PGLYRP3: variants seen among roughly 807,000 people sequenced by gnomAD.
The protein encoded by PGLYRP3 is peptidoglycan recognition protein 3, also known as peptidoglycan recognition protein I alpha.
A neutral mutation model predicts 36.0 loss-of-function variants in PGLYRP3; 39 were observed. The ratio of observed to expected loss-of-function variants is 1.08; its 90% confidence interval spans 0.84 to 1.41. The LOEUF is 1.41. Among genes scored for constraint, PGLYRP3 ranks in the 40% most tolerant of loss-of-function variants. PGLYRP3 has a pLI of 0.00. For synonymous variants in PGLYRP3, 204 were observed against 172.8 expected (o/e 1.18, Z -1.42); for missense variants, 407 against 427.9 (o/e 0.95, Z 0.43).
Position 153,303,843 on chromosome 1 carries a change from A to G in PGLYRP3, c.529+14T>C, listed in dbSNP as rs1659663682. On this transcript the variant is annotated intron_variant, in intron 5 of 7. Coordinates refer to ENST00000683862, the MANE Select transcript of PGLYRP3 (RefSeq NM_052891.3). Reference sequence around the variant, plus strand: ...GTGACGAGGAGGAGGGTGAGGTGACATGGAGGGTCTTACCCTTCCTGGGCA... The same window carrying G: ...GTGACGAGGAGGAGGGTGAGGTGACGTGGAGGGTCTTACCCTTCCTGGGCA... 3.1e-6 allele frequency: 5 copies of G among 1,601,966 alleles called. No individual in the cohort carries two copies. The East Asian group carries it at 6.7e-5, about 22-fold the overall frequency.
chr1:153,304,793 C>T (rs1392918125), intron 4 of PGLYRP3, among the ~76,000 whole-genome samples, 154 bp downstream of exon 4: 3 of 152,156 alleles, frequency 2.0e-5, no homozygotes, highest in Non-Finnish European at 4.4e-5. Context: ...ATGCATGTCA[C>T]AGGATCCAAA....
In PGLYRP3 at chr1:153,297,561, A is replaced by G. The variant is rs1234739986; in HGVS notation, c.*395T>C. On this transcript the variant is annotated 3_prime_UTR_variant, in exon 8 of 8. Coordinates refer to ENST00000683862, the MANE Select transcript of PGLYRP3 (RefSeq NM_052891.3). ...AAGGAAGGAAGGAAGGAAAGAAAGA[A>G]AAAGAAAGAAAGAAAGAAAGAAGAA... Among the ~76,000 whole-genome samples, 102 of 79,434 alleles carry G rather than the reference A, an allele frequency of 1.3e-3. No individual in the cohort carries two copies. Among genetic ancestry groups the G allele is most frequent in the African/African-American group, 3.6e-3 (68 of 18,898 alleles). The allele number at this position is 79,434 out of a possible 152,430, so 52.1% of individuals were successfully genotyped here.
chr1:153,310,475 A>C (rs1171026679), intron 2 of PGLYRP3, 136 bp downstream of exon 2: 1 of 863,842 alleles, frequency 1.2e-6, no homozygotes. Flanking sequence ...TAAACTCTAG[A>C]ACAGGGCTCC....
In PGLYRP3 at chr1:153,307,163, C is replaced by A; in HGVS notation, c.160G>T (p.Gly54Trp). 1 of 1,612,010 alleles carries A rather than the reference C, an allele frequency of 6.2e-7. No homozygotes were observed. ...ACGCTCTGCTGCTGGCACTGCATCC[C>A]TGGGAGCTGGTCTGTGATGATGTAG... is the stretch of plus-strand genomic sequence containing the variant. Reference protein sequence around the residue: ...VAYIITDQLPGMQCQQQSVCS... With the variant: ...VAYIITDQLPWMQCQQQSVCS... The change falls in exon 3 of 8, where the codon GGG becomes TGG. Residue 54 changes from glycine to tryptophan, a missense_variant. Transcript: ENST00000683862.
rs780880043 is a variant in PGLYRP3, at chr1:153,298,134, T to C, written c.848A>G (p.Glu283Gly). The C allele has an allele frequency of 1.8e-5, 29 of 1,613,610 alleles. No individual in the cohort carries two copies. The highest frequency in any genetic ancestry group is 2.5e-5 in the Non-Finnish European group (29 of 1,179,858). Residue 283 changes from glutamate (E) to glycine (G), a missense_variant and splice_region_variant, in exon 8 of 8, where the codon GAA becomes GGA. Coordinates refer to ENST00000683862, the MANE Select transcript of PGLYRP3 (RefSeq NM_052891.3). ...CAGCGCTGCAGCATTTGGAGGCTTT[T>C]CTGCAAAACACATTTTCCCCATCAG... ...LGIAFIGYFV[E>G]KPPNAAALEA... is the part of the protein sequence containing the mutation.
At chr1:153,309,951 C>G (rs1659854055) in intron 2 of PGLYRP3, among the ~76,000 whole-genome samples, 1 of 152,178 alleles carries the variant, frequency 6.6e-6, no homozygotes, top group African/African-American at 2.4e-5. Context: ...ATTAAATTTG[C>G]TGTCTGAGTA....
At chr1:153,310,798 C>T in intron 1 of PGLYRP3, 92 bp from the exon 2 acceptor site, 1 of 801,514 alleles carries the variant, frequency 1.2e-6, no homozygotes, top group Non-Finnish European at 2.0e-6. Context: ...CCTCCCCTAC[C>T]ATCCTGTGGC....
At chr1:153,308,580 T>C (rs1348575492) in intron 2 of PGLYRP3, among the ~76,000 whole-genome samples, 2 of 152,226 alleles carry the variant, frequency 1.3e-5, no homozygotes, top group Admixed American at 6.5e-5. Context: ...GACAAGCCTC[T>C]GGCTTGGGTC....
At chr1:153,302,666 CACTCA>C (rs1213880456) in intron 5 of PGLYRP3, 59 bp from the exon 6 acceptor site, 1 of 1,511,396 alleles carries the variant, frequency 6.6e-7, no homozygotes, top group Non-Finnish European at 9.2e-7. Context: ...TGTGAGCAAT[CACTCA>C]ACTCCAGGCT....
In PGLYRP3 at chr1:153,297,871, C is replaced by G. The variant is rs562177715; in HGVS notation, c.*85G>C. ...GATGGGCTGGCAGGGGAGGGGGACA[C>G]AAGGTGCTGAGCCACCTTGGCTGGT... is the stretch of plus-strand genomic sequence containing the variant. On this transcript the variant is annotated 3_prime_UTR_variant, in exon 8 of 8. Coordinates refer to ENST00000683862, the MANE Select transcript of PGLYRP3 (RefSeq NM_052891.3). The G allele has an allele frequency of 2.0e-6, 3 of 1,466,402 alleles. No homozygotes were observed. In the African/African-American group the frequency reaches 4.2e-5, roughly 20 times the overall value. The allele number at this position is 1,466,402 out of a possible 1,614,324, so 90.8% of individuals were successfully genotyped here. A position where few individuals can be genotyped will look rare whatever the true frequency, so the allele number is the denominator to read the frequency against.
At chr1:153,311,504 G>C (rs1659896167) in intron 1 of PGLYRP3, among the ~76,000 whole-genome samples, 1 of 152,138 alleles carries the variant, frequency 6.6e-6, no homozygotes, top group Non-Finnish European at 1.5e-5. Flanking sequence ...CAACCTGTTT[G>C]AGTTTCTGAT....
intron 5 of PGLYRP3, among the ~76,000 whole-genome samples, chr1:153,302,970 A>C (rs775349935): frequency 6.6e-6 from 1 of 152,274 alleles, no homozygotes; most frequent in African/African-American, 2.4e-5. Flanking sequence ...ACTACGCGGA[A>C]GTCAGTGGAC....
In PGLYRP3 at chr1:153,312,720, C is replaced by T. The variant is rs1659927228; in HGVS notation, c.-119G>A. On this transcript the variant is annotated 5_prime_UTR_variant, in exon 1 of 8. Transcript: ENST00000683862. The stretch of plus-strand genomic sequence containing the variant: ...CCCTGATTGGCCAGCAGCTCCTTCC[C>T]TTCCAGACTTGGCCTCCAGGACCTG... Among the ~76,000 whole-genome samples the T allele has an allele frequency of 2.6e-5, 4 of 152,184 alleles. No individual in the cohort carries two copies. Among genetic ancestry groups the T allele is most frequent in the Admixed American group, 2.6e-4 (4 of 15,282 alleles).
Position 153,302,504 on chromosome 1 carries a change from GC to G in PGLYRP3, c.632del (p.Gly211AlafsTer63). On this transcript the variant is annotated frameshift_variant, in exon 6 of 8. Transcript: ENST00000683862. LOFTEE classifies it high-confidence loss of function. ...AKYVIIIHTA[G>X]TSCTVSTDCQ... is the part of the protein sequence containing the mutation. ...AGTCTGTGGATACAGTGCAGCTTGT[GC>G]CAGCGGTGTGGATGATGATGACATA... The G allele has an allele frequency of 6.2e-7, 1 of 1,614,230 alleles. No individual in the cohort carries two copies. The highest frequency in any genetic ancestry group is 8.5e-7 in the Non-Finnish European group (1 of 1,180,038).
intron 2 of PGLYRP3, 122 bp from the exon 3 acceptor site, chr1:153,307,389 G>A: frequency 1.1e-6 from 1 of 920,432 alleles, no homozygotes; most frequent in Non-Finnish European, 1.6e-6. Context: ...GAGACACCCT[G>A]GGGGAGCCCT....
intron 6 of PGLYRP3, among the ~76,000 whole-genome samples, chr1:153,299,721 A>G (rs1295369808): frequency 6.6e-6 from 1 of 152,176 alleles, no homozygotes; most frequent in South Asian, 2.1e-4. Context: ...AATCATTGCC[A>G]CAGCTTCAAG....
At chr1:153,307,999 TC>T (rs1368417265) in intron 2 of PGLYRP3, among the ~76,000 whole-genome samples, 2 of 117,208 alleles carry the variant, frequency 1.7e-5, no homozygotes, top group African/African-American at 6.3e-5. Context: ...CTTCTCTCTC[TC>T]TTTTTTTTTT....
chr1:153,312,203 A>G (rs1323347379), intron 1 of PGLYRP3, among the ~76,000 whole-genome samples: 1 of 152,250 alleles, frequency 6.6e-6, no homozygotes, highest in Non-Finnish European at 1.5e-5. Flanking sequence ...TGCCAGAGAC[A>G]GAACTGATAA....
chr1:153,311,168 T>C (rs1659889631), intron 1 of PGLYRP3, among the ~76,000 whole-genome samples: 1 of 152,104 alleles, frequency 6.6e-6, no homozygotes, highest in African/African-American at 2.4e-5. Flanking sequence ...CTGCACCATT[T>C]GAGAGTCCCA....
Sources: gnomAD v4.1 joint callset for allele counts (sites outside exome capture counted in the v4.1 genomes callset) on GRCh38, gnomAD v4.1.1 for gene constraint, MANE v1.5 for transcripts, NCBI Gene and HGNC (gene_info 2026-07-23, HGNC 2026-07-21) for gene names.